Variants in DPY19L1 observed in about 807,000 individuals in gnomAD.
The protein encoded by DPY19L1 is dpy-19 like C-mannosyltransferase 1, also known as protein C-mannosyl-transferase DPY19L1.
In DPY19L1, 35 loss-of-function variants were observed where a neutral mutation model predicts 96.9. That is an observed-to-expected ratio of 0.36 (90% CI 0.28 to 0.48). The LOEUF (loss-of-function observed/expected upper bound fraction) is 0.48, where lower values mean the gene tolerates loss of function less well. DPY19L1 is among the 20% of genes least tolerant of loss of function. DPY19L1 has a pLI of 0.99. For missense variants in DPY19L1, 521 were observed against 777.9 expected, an observed-to-expected ratio of 0.67 and a Z score of 3.93; for synonymous variants, 205 against 252.6, an observed-to-expected ratio of 0.81 and a Z score of 1.79.
In DPY19L1 at chr7:35,017,918, T is replaced by C. The variant is rs1269169606; in HGVS notation, c.375A>G (p.Ser125=). 5.6e-6 allele frequency: 9 copies of C among 1,607,446 alleles called. No homozygotes were observed. The highest frequency in any genetic ancestry group is 7.6e-6 in the Non-Finnish European group (9 of 1,176,630). The part of the protein sequence containing the change: ...FENDRHFSHL[S]TLEREMAFRT... ...GAAAAGCCATCTCCCTTTCCAATGT[T>C]GAGAGGTGAGAAAAATGACGGTCAT... The change falls in exon 3 of 22, where the codon TCA becomes TCG. Residue 125 remains serine, a synonymous_variant. Coordinates refer to ENST00000638088, the MANE Select transcript of DPY19L1 (RefSeq NM_001366673.1).
chr7:35,020,002 C>T (rs1424780676), intron 1 of DPY19L1, among the ~76,000 whole-genome samples: 4 of 151,982 alleles, frequency 2.6e-5, no homozygotes, highest in Non-Finnish European at 5.9e-5. Context: ...TTACAAAGCA[C>T]GAGCCTATTG....
intron 3 of DPY19L1, among the ~76,000 whole-genome samples, chr7:35,015,847 A>G (rs906711809): frequency 5.3e-5 from 8 of 152,290 alleles, no homozygotes; most frequent in South Asian, 2.1e-4. Flanking sequence ...CTGAGCCCCA[A>G]TTCTGGGGGT....
At chr7:34,975,788 T>C (rs1271926581) in intron 7 of DPY19L1, among the ~76,000 whole-genome samples, 1 of 152,120 alleles carries the variant, frequency 6.6e-6, no homozygotes, top group Non-Finnish European at 1.5e-5. Flanking sequence ...CCCTTAAGAA[T>C]TACACTAAAT....
intron 1 of DPY19L1, among the ~76,000 whole-genome samples, chr7:35,024,287 C>T (rs1457191452): frequency 6.6e-6 from 1 of 152,142 alleles, no homozygotes; most frequent in East Asian, 1.9e-4. Flanking sequence ...GACAAAATGA[C>T]ATAAAAAGAA....
intron 6 of DPY19L1, among the ~76,000 whole-genome samples, chr7:35,004,557 G>C (rs1173197416): frequency 1.3e-5 from 2 of 152,134 alleles, no homozygotes; most frequent in Non-Finnish European, 2.9e-5. Context: ...TTTCTAATCT[G>C]TGTCATGGGT....
At position 34,941,881 on chromosome 7, in the gene DPY19L1, C is replaced by G. The variant is rs760498252; in HGVS notation, c.1573G>C (p.Val525Leu). 1.1e-5 allele frequency: 18 copies of G among 1,565,440 alleles called. No homozygotes were observed. The Admixed American group carries it at 3.1e-4, about 27-fold the overall frequency. Residue 525 changes from valine (V) to leucine (L), a missense_variant, in exon 18 of 22, where the codon GTT (valine) becomes CTT (leucine). Transcript: ENST00000638088. ...GCTAACAATTGCAATGCATGGTAAA[C>G]CAGCTGAAAGAAAGAAGAAAATGTT... The part of the protein sequence containing the change: ...RKHQFDHGEL[V>L]YHALQLLAYT...
At chr7:35,032,488 T>C (rs1786283649) in intron 1 of DPY19L1, among the ~76,000 whole-genome samples, 1 of 152,204 alleles carries the variant, frequency 6.6e-6, no homozygotes, top group Non-Finnish European at 1.5e-5. Context: ...CAGTATAAGA[T>C]GCTATTGTTC....
chr7:34,982,404 TAA>T (rs1001401064), intron 7 of DPY19L1, among the ~76,000 whole-genome samples: 2 of 152,208 alleles, frequency 1.3e-5, no homozygotes, highest in African/African-American at 4.8e-5. Flanking sequence ...AGTGTTTGTA[TAA>T]GAGAGACAGC....
intron 18 of DPY19L1, chr7:34,940,835 A>G (rs1370201957): frequency 1.3e-5 from 2 of 155,446 alleles, no homozygotes; most frequent in African/African-American, 2.4e-5. Flanking sequence ...GCACCAACCT[A>G]TATCATCAGT....
At chr7:34,938,759 T>A (rs1783926960) in intron 20 of DPY19L1, among the ~76,000 whole-genome samples, 1 of 152,196 alleles carries the variant, frequency 6.6e-6, no homozygotes, top group Non-Finnish European at 1.5e-5. Context: ...AAAAAAAATT[T>A]GGACAACACA....
intron 14 of DPY19L1, among the ~76,000 whole-genome samples, chr7:34,949,129 C>T (rs569577483): frequency 2.0e-5 from 3 of 152,216 alleles, no homozygotes; most frequent in South Asian, 2.1e-4. Context: ...ACATGCTTGT[C>T]GAACTAAACC....
Position 35,003,980 on chromosome 7 carries a change from G to A in DPY19L1, c.764+6488C>T, listed in dbSNP as rs114890570. 4.9e-3 allele frequency among the ~76,000 whole-genome samples: 741 copies of A among 152,268 alleles called. 3 individuals are homozygous for A. Among genetic ancestry groups the A allele is most frequent in the African/African-American group, 0.017 (693 of 41,544 alleles). The stretch of plus-strand genomic sequence containing the variant: ...CGGAGAGGGGCTCCTTGAACAGGCC[G>A]CTCCCCACTCTGACTCAGACTCTGC... On this transcript the variant is annotated intron_variant, in intron 6 of 21. Coordinates refer to ENST00000638088, the MANE Select transcript of DPY19L1 (RefSeq NM_001366673.1).
At chr7:34,937,837 C>T (rs745942325) in intron 21 of DPY19L1, among the ~76,000 whole-genome samples, 157 bp downstream of exon 21, 1 of 151,556 alleles carries the variant, frequency 6.6e-6, no homozygotes, top group Non-Finnish European at 1.5e-5. Context: ...CCAGCCTGGG[C>T]AACAGAGTGA....
intron 21 of DPY19L1, among the ~76,000 whole-genome samples, chr7:34,934,033 G>A (rs1783812998): frequency 2.0e-5 from 3 of 151,394 alleles, no homozygotes; most frequent in South Asian, 4.2e-4. Flanking sequence ...GTGTGATCTC[G>A]GCTCACTGCA....
chr7:34,939,383 G>A lies in DPY19L1; in HGVS notation c.1865-8C>T. 6.2e-7 allele frequency: 1 copy of A among 1,613,406 alleles called. No individual in the cohort carries two copies. The highest frequency in any genetic ancestry group is 8.5e-7 in the Non-Finnish European group (1 of 1,179,500). On this transcript the variant is annotated splice_region_variant and splice_polypyrimidine_tract_variant and intron_variant, in intron 19 of 21. Coordinates refer to ENST00000638088, the MANE Select transcript of DPY19L1 (RefSeq NM_001366673.1). ...CACCCGCAAACACTGCATCTGGAAG[G>A]CAAGAGGAATGTCTCAGGAAGACAC...
chr7:35,037,789 C>G (rs926050871), upstream of DPY19L1: 285 of 1,202,890 alleles, frequency 2.4e-4, no homozygotes, highest in Admixed American at 6.6e-4. Context: ...AGGCGGGGCC[C>G]GACCCCTCTG....
At chr7:34,962,126 G>A (rs894062549) in intron 10 of DPY19L1, among the ~76,000 whole-genome samples, 4 of 152,260 alleles carry the variant, frequency 2.6e-5, no homozygotes, top group South Asian at 2.1e-4. Flanking sequence ...AAACATCCAT[G>A]TAAAAACCTG....
At chr7:34,991,286 G>T (rs1289269359) in intron 6 of DPY19L1, among the ~76,000 whole-genome samples, 4 of 152,210 alleles carry the variant, frequency 2.6e-5, no homozygotes, top group African/African-American at 9.7e-5. Flanking sequence ...TGAGGCTGCA[G>T]AACACAAATC....
chr7:34,939,424 A>G (rs754818459), intron 19 of DPY19L1, 49 bp from the exon 20 acceptor site: 1 of 1,496,392 alleles, frequency 6.7e-7, no homozygotes, highest in Admixed American at 1.7e-5. Context: ...GAAGGCGAGA[A>G]GGTGTCTCCT....
Sources: allele counts gnomAD v4.1 joint callset (sites outside exome capture counted in the v4.1 genomes callset), GRCh38; gene constraint gnomAD v4.1.1; transcripts MANE v1.5; gene names NCBI Gene and HGNC (gene_info 2026-07-23, HGNC 2026-07-21).